Variants in CDH13 observed in about 807,000 individuals in gnomAD.
CDH13 encodes cadherin-13.
A neutral mutation model predicts 63.8 loss-of-function variants in CDH13; 24 were observed. The ratio of observed to expected loss-of-function variants is 0.38; its 90% CI spans 0.27 to 0.53. The LOEUF (loss-of-function observed/expected upper bound fraction) is 0.53, where lower values mean the gene tolerates loss of function less well. Among genes scored for constraint, CDH13 ranks in the 20% least tolerant of loss-of-function variants. The pLI is 0.85. For missense variants in CDH13, 1,049 were observed against 903.1 expected (o/e 1.16, Z -2.07); for synonymous variants, 503 against 355.3 (o/e 1.42, Z -4.67).
At chr16:83,076,706 C>A (rs73598132) in intron 3 of CDH13, among the ~76,000 whole-genome samples, 2,428 of 152,118 alleles carry the variant, frequency 0.016, 50 homozygotes, top group African/African-American at 0.056. Flanking sequence ...AAGTAAGCAA[C>A]AGATATGTAA....
chr16:82,997,601 A>T (rs1181805385), intron 2 of CDH13, among the ~76,000 whole-genome samples: 1 of 152,170 alleles, frequency 6.6e-6, no homozygotes, highest in Non-Finnish European at 1.5e-5. Context: ...ATCTTATTTT[A>T]TACTTGATGA....
At chr16:83,590,551 G>A (rs967821108) in intron 7 of CDH13, among the ~76,000 whole-genome samples, 8 of 152,162 alleles carry the variant, frequency 5.3e-5, no homozygotes, top group Admixed American at 6.5e-5. Context: ...GAAAGCAGGC[G>A]AGATGCTGTT....
At chr16:83,261,008 C>G (rs1303594994) in intron 5 of CDH13, among the ~76,000 whole-genome samples, 1 of 152,012 alleles carries the variant, frequency 6.6e-6, no homozygotes, top group Non-Finnish European at 1.5e-5. Context: ...TGGACTGAAG[C>G]AGCATCCCAT....
intron 1 of CDH13, chr16:82,773,250 G>A (rs376838613): frequency 6.6e-6 from 1 of 152,348 alleles, no homozygotes; most frequent in Admixed American, 6.5e-5. Context: ...TGTCCCTCTT[G>A]TTCTTTGTGG....
chr16:82,970,388 T>A (rs1908547865), intron 2 of CDH13, among the ~76,000 whole-genome samples: 1 of 99,572 alleles, frequency 1.0e-5, no homozygotes, highest in African/African-American at 3.3e-5. Context: ...TATTCTTTTT[T>A]TTTTTTTTTT....
At chr16:83,464,220 C>T (rs865957391) in intron 6 of CDH13, among the ~76,000 whole-genome samples, 62 of 152,102 alleles carry the variant, frequency 4.1e-4, no homozygotes, top group African/African-American at 1.4e-3. Context: ...CCACTATGTC[C>T]GGCTAAATTT....
intron 6 of CDH13, among the ~76,000 whole-genome samples, chr16:83,477,990 A>G (rs1047742840): frequency 7.9e-5 from 12 of 151,978 alleles, no homozygotes; most frequent in Admixed American, 7.2e-4. Flanking sequence ...GACCATCCTG[A>G]CTAACATGGT....
At chr16:83,224,576 T>C (rs2039790489) in intron 5 of CDH13, among the ~76,000 whole-genome samples, 1 of 152,234 alleles carries the variant, frequency 6.6e-6, no homozygotes, top group South Asian at 2.1e-4. Context: ...AACAAAGGAT[T>C]TGGGTTAAAA....
At chr16:82,680,371 G>C (rs948433400) in intron 1 of CDH13, among the ~76,000 whole-genome samples, 4 of 152,214 alleles carry the variant, frequency 2.6e-5, no homozygotes, top group African/African-American at 7.2e-5. Context: ...GAGACTTGTA[G>C]AGGTTAGGTA....
At chr16:83,713,871 A>G (rs751965788) in intron 10 of CDH13, among the ~76,000 whole-genome samples, 1 of 152,138 alleles carries the variant, frequency 6.6e-6, no homozygotes, top group Non-Finnish European at 1.5e-5. Context: ...TGCCTTCCTC[A>G]TTGTCAACAT....
intron 5 of CDH13, among the ~76,000 whole-genome samples, chr16:83,342,218 G>T (rs2090741140): frequency 6.6e-6 from 1 of 152,032 alleles, no homozygotes; most frequent in Admixed American, 6.6e-5. Flanking sequence ...TACAGTATTG[G>T]GTAGTGAAGC....
At chr16:82,819,873 G>T (rs1597699013) in intron 1 of CDH13, among the ~76,000 whole-genome samples, 1 of 152,280 alleles carries the variant, frequency 6.6e-6, no homozygotes, top group East Asian at 1.9e-4. Context: ...TAGTATTTTA[G>T]AAGGTGATAT....
intron 2 of CDH13, among the ~76,000 whole-genome samples, chr16:82,919,990 A>C (rs1472011149): frequency 6.6e-6 from 1 of 152,214 alleles, no homozygotes; most frequent in Non-Finnish European, 1.5e-5. Flanking sequence ...AGTAATATCG[A>C]GATCAAAATG....
At chr16:83,606,746 G>T in intron 8 of CDH13, among the ~76,000 whole-genome samples, 1 of 133,882 alleles carries the variant, frequency 7.5e-6, no homozygotes, top group Admixed American at 7.3e-5. Flanking sequence ...AAAAAAGTTT[G>T]CAGGTAGACA....
rs139154509 is a variant in CDH13 at position 83,094,913 on chromosome 16, T to C, written c.367-30472T>C. On this transcript the variant is annotated intron_variant, in intron 3 of 13. Coordinates refer to ENST00000567109, the MANE Select transcript of CDH13 (RefSeq NM_001257.5). ...CAATCACAATTAACTCTGTAAGTTA[T>C]TGAAAACCGGTTTGATGATGATCAT... Among the ~76,000 whole-genome samples, 1,007 of 152,330 alleles carry C rather than the reference T, an allele frequency of 6.6e-3. 10 individuals are homozygous for C. The highest frequency in any genetic ancestry group is 0.021 in the African/African-American group (891 of 41,576).
chr16:83,533,385 A>T (rs1018599621), intron 7 of CDH13, among the ~76,000 whole-genome samples: 7 of 152,122 alleles, frequency 4.6e-5, no homozygotes, highest in Non-Finnish European at 8.8e-5. Flanking sequence ...CAAAGACAAG[A>T]TGGGAGGTGC....
At chr16:83,291,342 A>G (rs1049122556) in intron 5 of CDH13, among the ~76,000 whole-genome samples, 44 of 152,002 alleles carry the variant, frequency 2.9e-4, no homozygotes, top group African/African-American at 8.0e-4. Context: ...CGCTTTTCTC[A>G]TTCAACTTTT....
chr16:83,296,628 TAC>T lies in CDH13; in HGVS notation c.637-48220_637-48219del, dbSNP rs371789458. On this transcript the variant is annotated intron_variant, in intron 5 of 13. Transcript: ENST00000567109. ...TTTCAGTTAATTAGTACAACACAAGTACACACACACACACATAAGTGGATCTC... is the reference window on the plus strand; with the variant it reads ...TTTCAGTTAATTAGTACAACACAAGTACACACACACACATAAGTGGATCTC... Among the ~76,000 whole-genome samples, 5 of 151,530 alleles carry T rather than the reference TAC, an allele frequency of 3.3e-5. No individual in the cohort carries two copies. In the East Asian group the frequency reaches 5.8e-4, roughly 18 times the overall value.
chr16:83,237,953 C>T (rs964144490), intron 5 of CDH13, among the ~76,000 whole-genome samples: 1 of 152,170 alleles, frequency 6.6e-6, no homozygotes, highest in African/African-American at 2.4e-5. Context: ...ACTATGCTCA[C>T]GTCACATAGC....
Sources: allele counts gnomAD v4.1 joint callset (sites outside exome capture counted in the v4.1 genomes callset), GRCh38; gene constraint gnomAD v4.1.1; transcripts MANE v1.5; gene names NCBI Gene and HGNC (gene_info 2026-07-23, HGNC 2026-07-21).